The following SORCS1 variants were observed in gnomAD, a reference collection of about 807,000 sequenced individuals.
SORCS1 encodes sortilin related VPS10 domain containing receptor 1.
A neutral mutation model predicts 146.1 loss-of-function variants in SORCS1; 60 were observed. The ratio of observed to expected loss-of-function variants is 0.41; its 90% CI spans 0.33 to 0.51. The LOEUF is 0.51. Among genes scored for constraint, SORCS1 ranks in the 20% least tolerant of loss-of-function variants. SORCS1 has a pLI of 0.21. For missense variants in SORCS1, 1,352 were observed against 1,487.6 expected, an observed-to-expected ratio of 0.91 and a Z score of 1.50; for synonymous variants, 637 against 584.0, an observed-to-expected ratio of 1.09 and a Z score of -1.31.
chr10:107,082,311 G>T (rs560300717), intron 1 of SORCS1, among the ~76,000 whole-genome samples: 1 of 152,228 alleles, frequency 6.6e-6, no homozygotes, highest in Non-Finnish European at 1.5e-5. Context: ...TTTTTGTTTG[G>T]TTGGGTTTTG....
chr10:106,579,028 TAGAG>T (rs1844733629), intron 25 of SORCS1: 12 of 1,591,204 alleles, frequency 7.5e-6, no homozygotes, highest in South Asian at 2.3e-5. Flanking sequence ...AGAAAGGGGT[TAGAG>T]AGAGAGTCAG....
chr10:106,662,763 A>G (rs1850832824), intron 17 of SORCS1, among the ~76,000 whole-genome samples: 2 of 152,104 alleles, frequency 1.3e-5, no homozygotes, highest in Non-Finnish European at 2.9e-5. Flanking sequence ...GACCTTCCTC[A>G]CCTTATTAAT....
intron 9 of SORCS1, 143 bp from the exon 10 acceptor site, chr10:106,688,481 G>A (rs1354984766): frequency 4.7e-6 from 4 of 855,220 alleles, no homozygotes; most frequent in African/African-American, 3.4e-5. Context: ...GGAAGGAGGT[G>A]GCTCAAGGTA....
At chr10:106,944,874 CTTTTTTTT>C (rs765355110) in intron 2 of SORCS1, among the ~76,000 whole-genome samples, 24 of 36,612 alleles carry the variant, frequency 6.6e-4, no homozygotes, top group South Asian at 1.5e-3. Flanking sequence ...AAAGAGCCTT[CTTTTTTTT>C]TTTTTTTTTT....
chr10:107,034,792 A>C (rs1958825218), intron 1 of SORCS1, among the ~76,000 whole-genome samples: 1 of 151,632 alleles, frequency 6.6e-6, no homozygotes, highest in Non-Finnish European at 1.5e-5. Context: ...AGCAGGATGA[A>C]TTAGTTGGAC....
intron 3 of SORCS1, among the ~76,000 whole-genome samples, chr10:106,821,945 T>C (rs1948054671): frequency 6.7e-6 from 1 of 149,994 alleles, no homozygotes; most frequent in African/African-American, 2.5e-5. Context: ...AAAAAAAAAG[T>C]ACTTAATGCC....
intron 8 of SORCS1, among the ~76,000 whole-genome samples, chr10:106,700,480 A>G (rs972275157): frequency 2.0e-5 from 3 of 151,758 alleles, no homozygotes; most frequent in Non-Finnish European, 4.4e-5. Flanking sequence ...TATAACCACA[A>G]AGGTAGAAGA....
chr10:106,928,197 C>T (rs937352837), intron 2 of SORCS1, among the ~76,000 whole-genome samples: 31 of 152,206 alleles, frequency 2.0e-4, no homozygotes, highest in African/African-American at 6.5e-4. Flanking sequence ...CAGGAGCCCA[C>T]GAAGGCGGGG....
intron 9 of SORCS1, among the ~76,000 whole-genome samples, chr10:106,695,899 C>T (rs1448059053): frequency 1.3e-5 from 2 of 152,190 alleles, no homozygotes; most frequent in African/African-American, 2.4e-5. Context: ...ATTCCACACA[C>T]ACACATAGTT....
At chr10:106,607,959 C>A (rs1201626106) in intron 22 of SORCS1, among the ~76,000 whole-genome samples, 1 of 152,186 alleles carries the variant, frequency 6.6e-6, no homozygotes, top group Admixed American at 6.5e-5. Context: ...CACTTGGCCA[C>A]ACTGACTCTT....
intron 2 of SORCS1, among the ~76,000 whole-genome samples, chr10:106,913,235 T>C (rs1952252075): frequency 6.6e-6 from 1 of 152,136 alleles, no homozygotes; most frequent in Non-Finnish European, 1.5e-5. Context: ...GGACACAAAT[T>C]TAGAAAGTAT....
At chr10:106,784,368 C>A (rs1945946568) in intron 3 of SORCS1, among the ~76,000 whole-genome samples, 1 of 149,130 alleles carries the variant, frequency 6.7e-6, no homozygotes, top group African/African-American at 2.5e-5. Context: ...GCTCTCCAGC[C>A]TGGGCGACAG....
intron 3 of SORCS1, among the ~76,000 whole-genome samples, chr10:106,784,352 G>C (rs557678697): frequency 2.0e-5 from 3 of 149,144 alleles, no homozygotes; most frequent in Non-Finnish European, 4.4e-5. Flanking sequence ...CCAAGATCGC[G>C]CCACTGCTCT....
At chr10:106,950,984 C>T (rs1450753155) in intron 2 of SORCS1, among the ~76,000 whole-genome samples, 2 of 151,932 alleles carry the variant, frequency 1.3e-5, no homozygotes, top group Non-Finnish European at 2.9e-5. Flanking sequence ...AGATGAGTTA[C>T]GAAGAGAAAA....
At chr10:107,010,431 A>ATTTT (rs113241978) in intron 1 of SORCS1, among the ~76,000 whole-genome samples, 29,811 of 87,740 alleles carry the variant, frequency 0.34, 8,014 homozygotes, top group African/African-American at 0.68. Context: ...GCATAACTTT[A>ATTTT]TTTTTTTTGT....
chr10:106,668,976 T>G (rs1851381266), intron 16 of SORCS1, among the ~76,000 whole-genome samples: 1 of 152,280 alleles, frequency 6.6e-6, no homozygotes, highest in African/African-American at 2.4e-5. Context: ...AAGGTTGTGA[T>G]GAGCCTTCCC....
intron 1 of SORCS1, among the ~76,000 whole-genome samples, chr10:107,163,476 GAGA>G (rs1381314705): frequency 1.3e-5 from 2 of 152,172 alleles, no homozygotes; most frequent in East Asian, 1.9e-4. Flanking sequence ...CTCCCTTGTG[GAGA>G]AGAAGGGGTT....
intron 5 of SORCS1, among the ~76,000 whole-genome samples, chr10:106,751,890 A>C (rs547532026): frequency 1.4e-4 from 21 of 152,324 alleles, no homozygotes; most frequent in Non-Finnish European, 1.6e-4. Flanking sequence ...CAAGATAGAA[A>C]TATGTTAAAG....
At chr10:106,636,800 C>T (rs1037779073) in intron 18 of SORCS1, among the ~76,000 whole-genome samples, 14 of 152,198 alleles carry the variant, frequency 9.2e-5, no homozygotes, top group Non-Finnish European at 1.6e-4. Context: ...CCTAGAGTCA[C>T]AAGACTAGTT....
Sources: allele counts gnomAD v4.1 joint callset (sites outside exome capture counted in the v4.1 genomes callset), GRCh38; gene constraint gnomAD v4.1.1; transcripts MANE v1.5; gene names NCBI Gene and HGNC (gene_info 2026-07-23, HGNC 2026-07-21).